The following CDA variants were observed in gnomAD, a reference collection of about 807,000 sequenced individuals.
The protein encoded by CDA is cytidine deaminase.
In CDA, 7 loss-of-function variants were observed where a neutral mutation model predicts 15.0. The observed-to-expected ratio is 0.47, with a 90% CI of 0.26 to 0.87. The LOEUF (loss-of-function observed/expected upper bound fraction) is 0.87, where lower values mean the gene tolerates loss of function less well. Ranked by LOEUF, CDA falls within the 40% of genes least tolerant of loss-of-function variation. The pLI is 0.15. For missense variants in CDA, 159 were observed against 182.7 expected (o/e 0.87, Z 0.75); for synonymous variants, 58 against 73.0 (o/e 0.79, Z 1.05).
At chr1:20,591,711 G>A (rs2101173579) in intron 1 of CDA, among the ~76,000 whole-genome samples, 1 of 152,298 alleles carries the variant, frequency 6.6e-6, no homozygotes, top group South Asian at 2.1e-4. Context: ...TGGGGATTTA[G>A]AGAGTGAAAT....
At chr1:20,610,270 TTTTATTTTATTTTATTTTTA>T (rs1369473636) in intron 2 of CDA, among the ~76,000 whole-genome samples, 2 of 40,658 alleles carry the variant, frequency 4.9e-5, no homozygotes, top group Non-Finnish European at 1.4e-4. Context: ...TCTTTTTTTT[TTTTATTTTATTTTATTTTTA>T]TTTTTATTTA....
intron 2 of CDA, among the ~76,000 whole-genome samples, chr1:20,610,713 G>C (rs192057758): frequency 6.6e-6 from 1 of 152,158 alleles, no homozygotes; most frequent in Non-Finnish European, 1.5e-5. Flanking sequence ...GCTTACATAC[G>C]TAAGGAAATA....
intron 1 of CDA, among the ~76,000 whole-genome samples, chr1:20,593,774 T>A (rs2052568842): frequency 1.3e-5 from 2 of 152,298 alleles, no homozygotes; most frequent in South Asian, 4.2e-4. Flanking sequence ...GAGGTCTTGC[T>A]ACGTTGCCCA....
chr1:20,604,700 C>T (rs541655224), intron 1 of CDA, among the ~76,000 whole-genome samples: 168 of 152,248 alleles, frequency 1.1e-3, no homozygotes, highest in Admixed American at 3.1e-3. Flanking sequence ...ATCATGGAGG[C>T]ATTGGGTAAA....
rs61735379 is a variant in CDA at position 20,604,956 on chromosome 1, G to C, written c.183G>C (p.Pro61=). 1 of 1,613,466 alleles carries C rather than the reference G, an allele frequency of 6.2e-7. No homozygotes were observed. Residue 61 remains proline (P), a synonymous_variant, in exon 2 of 4, where the codon CCG becomes CCC. Transcript: ENST00000375071. ...GCAACATAGAAAATGCCTGCTACCC[G>C]CTGGGCATCTGTGCTGAACGGACCG... is the stretch of plus-strand genomic sequence containing the variant. The part of the protein sequence containing the change: ...KGCNIENACY[P]LGICAERTAI...
intron 3 of CDA, 147 bp downstream of exon 3, chr1:20,614,046 C>A: frequency 1.4e-6 from 1 of 694,960 alleles, no homozygotes; most frequent in Non-Finnish European, 2.6e-6. Flanking sequence ...CTTCTAAGGC[C>A]TCCCTACGCT....
chr1:20,594,243 T>C (rs907983575), intron 1 of CDA, among the ~76,000 whole-genome samples: 2 of 152,204 alleles, frequency 1.3e-5, no homozygotes, highest in African/African-American at 4.8e-5. Flanking sequence ...ATTTTCTCTC[T>C]GTTACTCCCA....
At chr1:20,603,193 G>A (rs1204644895) in intron 1 of CDA, among the ~76,000 whole-genome samples, 4 of 152,008 alleles carry the variant, frequency 2.6e-5, no homozygotes, top group African/African-American at 7.3e-5. Context: ...GATTTTTTTT[G>A]TTCAAGTTGC....
Position 20,595,186 on chromosome 1 carries a change from G to C in CDA, c.154+5903G>C, listed in dbSNP as rs554624598. Among the ~76,000 whole-genome samples the C allele has an allele frequency of 2.0e-5, 3 of 152,232 alleles. No homozygotes were observed. The East Asian group carries it at 5.8e-4, about 29-fold the overall frequency. On this transcript the variant is annotated intron_variant, in intron 1 of 3. Transcript: ENST00000375071. ...TTTCCTCCTCCTTTCCTCTCCGTCT[G>C]CCATTTAGGGAAAAAGCCACTTTAC... is the stretch of plus-strand genomic sequence containing the variant.
At chr1:20,616,540 T>C (rs576447445) in intron 3 of CDA, among the ~76,000 whole-genome samples, 2 of 151,820 alleles carry the variant, frequency 1.3e-5, no homozygotes, top group East Asian at 1.9e-4. Context: ...CCCTGCACGG[T>C]GGAAATGTCG....
In CDA at chr1:20,615,470, C is replaced by CAAAAAAA. The variant is rs35351279; in HGVS notation, c.324+1580_324+1586dup. 3.9e-4 allele frequency among the ~76,000 whole-genome samples: 44 copies of CAAAAAAA among 112,978 alleles called. 1 individual carries two copies. The East Asian group carries it at 9.1e-3, about 23-fold the overall frequency. The allele number at this position is 112,978 out of a possible 152,430, so 74.1% of individuals were successfully genotyped here. A position where few individuals can be genotyped will look rare whatever the true frequency, so the allele number is the denominator to read the frequency against. On this transcript the variant is annotated intron_variant, in intron 3 of 3. Transcript: ENST00000375071. Reference sequence around the variant, plus strand: ...CAACATAGCGAGACCCTGTTCTCCACAAAAAAAAAAAAAAAGGAATAAAAC... The same window carrying CAAAAAAA: ...CAACATAGCGAGACCCTGTTCTCCACAAAAAAAAAAAAAAAAAAAAAAGGAATAAAAC...
intron 3 of CDA, among the ~76,000 whole-genome samples, chr1:20,615,553 CAG>C (rs775342558): frequency 3.3e-5 from 5 of 151,220 alleles, no homozygotes; most frequent in Non-Finnish European, 5.9e-5. Context: ...AATCCAGGCT[CAG>C]GGGAAGGTTT....
chr1:20,602,415 A>G (rs1207981986), intron 1 of CDA, among the ~76,000 whole-genome samples: 1 of 145,660 alleles, frequency 6.9e-6, no homozygotes, highest in African/African-American at 2.6e-5. Context: ...CACCCACATC[A>G]TGGTTTTTTT....
intron 1 of CDA, 123 bp downstream of exon 1, chr1:20,589,406 C>T (rs1557543958): frequency 4.3e-6 from 4 of 940,140 alleles, no homozygotes; most frequent in East Asian, 2.6e-5. Flanking sequence ...CCCTTCTTCC[C>T]CCAGTCTCCG....
At chr1:20,611,773 G>A (rs754458101) in intron 2 of CDA, among the ~76,000 whole-genome samples, 5 of 152,214 alleles carry the variant, frequency 3.3e-5, no homozygotes, top group Non-Finnish European at 7.3e-5. Context: ...CCTGGCTGGT[G>A]AGCTTCTTCA....
At chr1:20,608,024 G>T (rs2052710371) in intron 2 of CDA, among the ~76,000 whole-genome samples, 1 of 152,222 alleles carries the variant, frequency 6.6e-6, no homozygotes, top group Admixed American at 6.5e-5. Context: ...TACGGCCTCA[G>T]TGTGTGACCA....
At chr1:20,602,999 A>G (rs982050569) in intron 1 of CDA, among the ~76,000 whole-genome samples, 1 of 152,198 alleles carries the variant, frequency 6.6e-6, no homozygotes, top group African/African-American at 2.4e-5. Context: ...TCTTTGCCAC[A>G]GGGCTGATTC....
At chr1:20,615,022 C>T (rs12039573) in intron 3 of CDA, among the ~76,000 whole-genome samples, 30,147 of 151,854 alleles carry the variant, frequency 0.2, 3,062 homozygotes, top group Middle Eastern at 0.26. Context: ...CTACCATGCC[C>T]GGCTAATTTT....
chr1:20,603,980 C>T (rs1002004650), intron 1 of CDA, among the ~76,000 whole-genome samples: 1 of 152,184 alleles, frequency 6.6e-6, no homozygotes, highest in South Asian at 2.1e-4. Flanking sequence ...CCACTGGAGG[C>T]CCGAGGATTG....
Sources: allele counts gnomAD v4.1 joint callset (sites outside exome capture counted in the v4.1 genomes callset), GRCh38; gene constraint gnomAD v4.1.1; transcripts MANE v1.5; gene names NCBI Gene and HGNC (gene_info 2026-07-23, HGNC 2026-07-21).